Variants in SEPTIN7 observed in about 807,000 individuals in gnomAD.
SEPTIN7 encodes the protein septin 7, also known as septin-7.
SEPTIN7 carries 10 observed loss-of-function variants against 63.3 expected under a neutral mutation model. The ratio of observed to expected loss-of-function variants is 0.16; its 90% CI spans 0.10 to 0.27. SEPTIN7 has a LOEUF of 0.27. SEPTIN7 is among the 10% of genes least tolerant of loss of function. The pLI is 1.00. For synonymous variants in SEPTIN7, 131 were observed against 165.3 expected, an observed-to-expected ratio of 0.79 and a Z score of 1.59; for missense variants, 310 against 521.0, an observed-to-expected ratio of 0.59 and a Z score of 3.94.
intron 1 of SEPTIN7, among the ~76,000 whole-genome samples, chr7:35,812,320 ACCC>A (rs1026603331): frequency 8.1e-6 from 1 of 122,976 alleles, no homozygotes; most frequent in Non-Finnish European, 1.7e-5. Context: ...TCCCTTCCCC[ACCC>A]CCCCATTTTT....
At chr7:35,864,264 T>C (rs765993903) in intron 4 of SEPTIN7, among the ~76,000 whole-genome samples, 8 of 152,156 alleles carry the variant, frequency 5.3e-5, no homozygotes, top group Non-Finnish European at 7.4e-5. Flanking sequence ...TCTCAGTCTT[T>C]GCTATGCATT....
chr7:35,904,106 T>C, intron 13 of SEPTIN7, 148 bp from the exon 14 acceptor site: 1 of 509,292 alleles, frequency 2.0e-6, no homozygotes, highest in Non-Finnish European at 3.4e-6. Context: ...CTTAGCTGTT[T>C]ACTTCTAAAT....
chr7:35,880,715 A>T (rs1194652972), intron 7 of SEPTIN7, among the ~76,000 whole-genome samples: 6 of 151,548 alleles, frequency 4.0e-5, no homozygotes, highest in Non-Finnish European at 5.9e-5. Context: ...ACTTTACGGG[A>T]TATTTATAGT....
chr7:35,871,403 A>G (rs557498520), intron 4 of SEPTIN7, among the ~76,000 whole-genome samples: 3 of 152,370 alleles, frequency 2.0e-5, no homozygotes, highest in African/African-American at 7.2e-5. Flanking sequence ...CAAATTAAAT[A>G]AAATTAAATA....
chr7:35,828,383 C>CT (rs1056089351), intron 1 of SEPTIN7, among the ~76,000 whole-genome samples: 11 of 151,792 alleles, frequency 7.2e-5, no homozygotes, highest in African/African-American at 1.5e-4. Flanking sequence ...CCCCCTTCTT[C>CT]TTTTTTTTGA....
chr7:35,829,443 C>A (rs1379360489), intron 1 of SEPTIN7, among the ~76,000 whole-genome samples: 1 of 152,118 alleles, frequency 6.6e-6, no homozygotes, highest in Non-Finnish European at 1.5e-5. Flanking sequence ...ACTTTAGGGC[C>A]TACCCCTTTG....
In SEPTIN7 at chr7:35,818,164, T is replaced by C. The variant is rs149190223; in HGVS notation, c.62-13328T>C. 3.1e-3 allele frequency among the ~76,000 whole-genome samples: 479 copies of C among 152,148 alleles called. 5 individuals carry two copies. The highest frequency in any genetic ancestry group is 0.011 in the African/African-American group (472 of 41,550). ...GAGGTTCCCTTGTATGTCTAGTTTG[T>C]TAAGTGTGTTTATCGTTGAAAGAGT... On this transcript the variant is annotated intron_variant, in intron 1 of 13. Coordinates refer to ENST00000350320, the MANE Select transcript of SEPTIN7 (RefSeq NM_001788.6).
In SEPTIN7 at chr7:35,806,103, G is replaced by T. The variant is rs139458270; in HGVS notation, c.61+4833G>T. ...GTCTACAGACATTGCCAAATGTCAC[G>T]TGGGGGAGCAGAATCATCCTTGGTT... is the stretch of plus-strand genomic sequence containing the variant. On this transcript the variant is annotated intron_variant, in intron 1 of 13. Coordinates refer to ENST00000350320, the MANE Select transcript of SEPTIN7 (RefSeq NM_001788.6). Among the ~76,000 whole-genome samples, 12 of 152,290 alleles carry T rather than the reference G, an allele frequency of 7.9e-5. No individual in the cohort carries two copies. In the East Asian group the frequency reaches 2.3e-3, roughly 29 times the overall value.
intron 3 of SEPTIN7, among the ~76,000 whole-genome samples, chr7:35,851,768 A>C (rs1229783034): frequency 6.6e-6 from 1 of 152,332 alleles, no homozygotes; most frequent in Admixed American, 6.5e-5. Flanking sequence ...ATTATTAGAC[A>C]AGGCTGCTAT....
At chr7:35,868,475 T>C (rs1207874094) in intron 4 of SEPTIN7, among the ~76,000 whole-genome samples, 2 of 151,928 alleles carry the variant, frequency 1.3e-5, no homozygotes, top group African/African-American at 4.8e-5. Flanking sequence ...CAAACAATTA[T>C]GACTTAGTGA....
intron 1 of SEPTIN7, among the ~76,000 whole-genome samples, chr7:35,816,232 C>G (rs759822157): frequency 3.9e-5 from 6 of 152,150 alleles, no homozygotes; most frequent in Admixed American, 6.6e-5. Flanking sequence ...ATAATCAGTC[C>G]CCATCCCTTC....
At chr7:35,801,441 G>C (rs934838614) in intron 1 of SEPTIN7, among the ~76,000 whole-genome samples, 171 bp downstream of exon 1, 6 of 152,034 alleles carry the variant, frequency 3.9e-5, no homozygotes, top group Non-Finnish European at 4.4e-5. Context: ...GGCGGGCTCG[G>C]GGGGAGGGGA....
chr7:35,915,439 G>A, the SEPTIN7 span, among the ~76,000 whole-genome samples: 30 of 152,298 alleles, frequency 2.0e-4, no homozygotes, highest in African/African-American at 6.7e-4. Context: ...GCAATTAAAA[G>A]GCATTCAAAC....
In SEPTIN7 at chr7:35,906,759, CAT is replaced by C. The variant is rs1179840079; in HGVS notation, c.*2467_*2468del. The C allele has an allele frequency of 6.6e-6, 1 of 152,222 alleles. No homozygotes were observed. Among genetic ancestry groups the C allele is most frequent in the Non-Finnish European group, 1.5e-5 (1 of 68,056 alleles). The allele number at this position is 152,222 out of a possible 1,614,324, so 9.4% of individuals were successfully genotyped here. A position where few individuals can be genotyped will look rare whatever the true frequency, so the allele number is the denominator to read the frequency against. On this transcript the variant is annotated 3_prime_UTR_variant, in exon 14 of 14. Coordinates refer to ENST00000350320, the MANE Select transcript of SEPTIN7 (RefSeq NM_001788.6). The stretch of plus-strand genomic sequence containing the variant: ...AGGAGATACCCATGCCTCTCAGACT[CAT>C]TAGCTGGGTGTCACATTACCACCTG...
intron 5 of SEPTIN7, 44 bp from the exon 6 acceptor site, chr7:35,873,597 C>A: frequency 6.4e-7 from 1 of 1,572,226 alleles, no homozygotes; most frequent in Non-Finnish European, 8.6e-7. Flanking sequence ...TCAGTTAATT[C>A]ATATGTAGAA....
chr7:35,869,441 G>A (rs1186043042), intron 4 of SEPTIN7, among the ~76,000 whole-genome samples: 1 of 152,206 alleles, frequency 6.6e-6, no homozygotes, highest in African/African-American at 2.4e-5. Flanking sequence ...GCTAAGTGGA[G>A]TATCTCAGGC....
At chr7:35,903,573 C>G (rs578254647) in intron 13 of SEPTIN7, among the ~76,000 whole-genome samples, 2 of 152,234 alleles carry the variant, frequency 1.3e-5, no homozygotes, top group African/African-American at 4.8e-5. Context: ...TCTTCAAAAT[C>G]TATTACATAT....
At chr7:35,816,402 A>G (rs1441440082) in intron 1 of SEPTIN7, among the ~76,000 whole-genome samples, 1 of 152,204 alleles carries the variant, frequency 6.6e-6, no homozygotes, top group African/African-American at 2.4e-5. Flanking sequence ...AGCATGTCTC[A>G]GTAGTACTTC....
chr7:35,852,288 T>C (rs1486327746), intron 3 of SEPTIN7, among the ~76,000 whole-genome samples: 1 of 152,132 alleles, frequency 6.6e-6, no homozygotes, highest in Non-Finnish European at 1.5e-5. Context: ...GAAAAGTTTA[T>C]TGATGGAACT....
Sources: gnomAD v4.1 joint callset for allele counts (sites outside exome capture counted in the v4.1 genomes callset) on GRCh38, gnomAD v4.1.1 for gene constraint, MANE v1.5 for transcripts, NCBI Gene and HGNC (gene_info 2026-07-23, HGNC 2026-07-21) for gene names.